PTPRK: variants seen among roughly 807,000 people sequenced by gnomAD.
The protein encoded by PTPRK is receptor-type tyrosine-protein phosphatase kappa.
In PTPRK, 75 loss-of-function variants were observed where a neutral mutation model predicts 178.0. The observed-to-expected ratio is 0.42, with a 90% CI of 0.35 to 0.51. The LOEUF (loss-of-function observed/expected upper bound fraction) is 0.51. Ranked by LOEUF, PTPRK falls within the 20% of genes least tolerant of loss-of-function variation. PTPRK has a pLI of 0.02. For missense variants in PTPRK, 1,441 were observed against 1,797.8 expected (o/e 0.80, Z 3.59); for synonymous variants, 637 against 620.6 (o/e 1.03, Z -0.39).
intron 3 of PTPRK, among the ~76,000 whole-genome samples, chr6:128,258,949 G>T (rs1817765301): frequency 1.3e-5 from 2 of 152,262 alleles, no homozygotes; most frequent in South Asian, 4.1e-4. Flanking sequence ...TGACTCCATT[G>T]AGAAGCCAGT....
At chr6:128,472,387 A>C in intron 1 of PTPRK, among the ~76,000 whole-genome samples, 5 of 146,640 alleles carry the variant, frequency 3.4e-5, no homozygotes, top group East Asian at 2.1e-4. Flanking sequence ...CACCCTCCCC[A>C]ATTTAGTTTA....
At chr6:128,300,800 T>C (rs1041826414) in intron 3 of PTPRK, among the ~76,000 whole-genome samples, 7 of 152,036 alleles carry the variant, frequency 4.6e-5, no homozygotes, top group Non-Finnish European at 7.4e-5. Flanking sequence ...GCATGGCACA[T>C]GTATACATAT....
intron 2 of PTPRK, among the ~76,000 whole-genome samples, chr6:128,323,646 G>A (rs1829144380): frequency 6.6e-6 from 1 of 152,114 alleles, no homozygotes; most frequent in Non-Finnish European, 1.5e-5. Flanking sequence ...TATTTGAGAA[G>A]CCAAATTTCA....
chr6:128,422,867 G>A (rs78046409), intron 1 of PTPRK, among the ~76,000 whole-genome samples: 1,742 of 152,122 alleles, frequency 0.011, 32 homozygotes, highest in African/African-American at 0.04. Context: ...CTCAAAATGG[G>A]CATACAGTCA....
intron 1 of PTPRK, among the ~76,000 whole-genome samples, chr6:128,429,621 AAT>A (rs1844564817): frequency 6.6e-6 from 1 of 152,334 alleles, no homozygotes; most frequent in Non-Finnish European, 1.5e-5. Flanking sequence ...TAATCTATAA[AAT>A]ATATATCTTT....
intron 1 of PTPRK, among the ~76,000 whole-genome samples, chr6:128,452,515 T>A (rs2128407181): frequency 6.6e-6 from 1 of 152,264 alleles, no homozygotes; most frequent in Admixed American, 6.5e-5. Context: ...CCAAGCTTAC[T>A]TTTCTTAAAT....
intron 1 of PTPRK, among the ~76,000 whole-genome samples, chr6:128,449,253 C>T (rs1847449647): frequency 6.6e-6 from 1 of 152,162 alleles, no homozygotes; most frequent in South Asian, 2.1e-4. Flanking sequence ...CTTCACAAAT[C>T]TCATACTTAC....
At chr6:128,409,191 G>T in intron 1 of PTPRK, 1 of 335,858 alleles carries the variant, frequency 3.0e-6, no homozygotes, top group Non-Finnish European at 5.8e-6. Context: ...TCCAAGAAAA[G>T]ATTGATTACA....
intron 13 of PTPRK, among the ~76,000 whole-genome samples, chr6:128,041,601 A>T (rs9321107): frequency 0.22 from 33,267 of 151,924 alleles, 4,721 homozygotes; most frequent in African/African-American, 0.4. Context: ...TCATGTAGAG[A>T]TTCAATATAA....
chr6:128,264,773 C>T (rs1461605722), intron 3 of PTPRK, among the ~76,000 whole-genome samples: 2 of 152,044 alleles, frequency 1.3e-5, no homozygotes, highest in African/African-American at 4.8e-5. Flanking sequence ...CCCACAATTC[C>T]CATGTGTCCT....
chr6:127,976,900 A>G, intron 26 of PTPRK, 23 bp downstream of exon 26: 1 of 1,613,692 alleles, frequency 6.2e-7, no homozygotes, highest in Non-Finnish European at 8.5e-7. Context: ...ATAAGTACAT[A>G]AAAGCAATCC....
chr6:128,154,018 CT>C (rs1394868308), intron 7 of PTPRK, among the ~76,000 whole-genome samples: 1 of 151,718 alleles, frequency 6.6e-6, no homozygotes, highest in Non-Finnish European at 1.5e-5. Context: ...AGCATGTATT[CT>C]TTAGCTAAGA....
chr6:128,438,264 T>C (rs1227359580), intron 1 of PTPRK, among the ~76,000 whole-genome samples: 1 of 152,228 alleles, frequency 6.6e-6, no homozygotes, highest in Non-Finnish European at 1.5e-5. Flanking sequence ...AAGGAATAAA[T>C]GAAAATTCTG....
chr6:127,970,025 T>C lies in PTPRK; in HGVS notation c.*202A>G. The C allele has an allele frequency of 2.1e-6, 1 of 478,490 alleles. No homozygotes were observed. Among genetic ancestry groups the C allele is most frequent in the Non-Finnish European group, 3.7e-6 (1 of 271,870 alleles). The allele number at this position is 478,490 out of a possible 1,614,324, so 29.6% of individuals were successfully genotyped here. ...TTTATGTGGCATGAAATGTTGATGC[T>C]TTAATATAGTAATAAAAACTAATTC... is the stretch of plus-strand genomic sequence containing the variant. On this transcript the variant is annotated 3_prime_UTR_variant, in exon 30 of 30. Transcript: ENST00000368226.
At chr6:127,994,669 G>T (rs1421676082) in intron 18 of PTPRK, among the ~76,000 whole-genome samples, 2 of 151,642 alleles carry the variant, frequency 1.3e-5, no homozygotes, top group Non-Finnish European at 3.0e-5. Context: ...TTTAAATAAA[G>T]AATTTCCATG....
At chr6:128,208,654 C>T (rs562865119) in intron 6 of PTPRK, among the ~76,000 whole-genome samples, 1 of 152,202 alleles carries the variant, frequency 6.6e-6, no homozygotes, top group East Asian at 1.9e-4. Flanking sequence ...AAAAACTGTG[C>T]TTTCATCCAC....
At chr6:128,334,032 G>C (rs1256352726) in intron 2 of PTPRK, among the ~76,000 whole-genome samples, 1 of 152,174 alleles carries the variant, frequency 6.6e-6, no homozygotes, top group African/African-American at 2.4e-5. Flanking sequence ...GACGGGAACA[G>C]CCAGTAGGTG....
intron 15 of PTPRK, among the ~76,000 whole-genome samples, chr6:128,004,113 A>C (rs1009307397): frequency 6.3e-4 from 96 of 151,910 alleles, no homozygotes; most frequent in African/African-American, 1.8e-3. Flanking sequence ...ACAGGAGATA[A>C]TACTTATATT....
intron 2 of PTPRK, among the ~76,000 whole-genome samples, chr6:128,360,786 C>T (rs1216465783): frequency 6.6e-6 from 1 of 152,036 alleles, no homozygotes; most frequent in African/African-American, 2.4e-5. Context: ...CAATGTTATT[C>T]TACACCCTAT....
Sources: gnomAD v4.1 joint callset for allele counts (sites outside exome capture counted in the v4.1 genomes callset) on GRCh38, gnomAD v4.1.1 for gene constraint, MANE v1.5 for transcripts, NCBI Gene and HGNC (gene_info 2026-07-23, HGNC 2026-07-21) for gene names.